YJEFN3: variants seen among roughly 807,000 people sequenced by gnomAD.
The protein encoded by YJEFN3 is yjeF N-terminal domain-containing protein 3.
In YJEFN3, 29 loss-of-function variants were observed where a neutral mutation model predicts 31.5. The observed-to-expected ratio is 0.92, with a 90% CI of 0.69 to 1.26. The LOEUF (loss-of-function observed/expected upper bound fraction) is 1.26. Among genes scored for constraint, YJEFN3 ranks in the 50% most tolerant of loss-of-function variants. YJEFN3 has a pLI of 0.00. For synonymous variants in YJEFN3, 227 were observed against 196.1 expected (o/e 1.16, Z -1.32); for missense variants, 442 against 425.4 (o/e 1.04, Z -0.34).
intron 3 of YJEFN3, 106 bp downstream of exon 3, chr19:19,532,846 T>G (rs529122126): frequency 1.8e-6 from 2 of 1,134,274 alleles, no homozygotes; most frequent in Admixed American, 5.1e-5. Flanking sequence ...AACTCCCTTT[T>G]TGCTTGGGCC....
intron 3 of YJEFN3, chr19:19,533,982 G>A: frequency 1.0e-6 from 1 of 985,614 alleles, no homozygotes; most frequent in Non-Finnish European, 1.2e-6. Context: ...ATACTTGAAA[G>A]GGGAGTAATC....
At chr19:19,531,638 A>T (rs1201127441) in intron 2 of YJEFN3, among the ~76,000 whole-genome samples, 3 of 149,876 alleles carry the variant, frequency 2.0e-5, no homozygotes, top group African/African-American at 7.4e-5. Context: ...AGAGGTGGAG[A>T]CGGACCCCAG....
intron 2 of YJEFN3, 23 bp from the exon 3 acceptor site, chr19:19,532,609 G>A (rs1322963974): frequency 6.7e-7 from 1 of 1,487,898 alleles, no homozygotes; most frequent in Non-Finnish European, 9.0e-7. Flanking sequence ...GTCTCTGAGT[G>A]TCCCATCCCA....
intron 2 of YJEFN3, among the ~76,000 whole-genome samples, chr19:19,530,034 G>T (rs755583469): frequency 6.6e-6 from 1 of 152,190 alleles, no homozygotes; most frequent in Non-Finnish European, 1.5e-5. Flanking sequence ...GTGATCCCCC[G>T]TGGTGGTCTG....
Position 19,534,816 on chromosome 19 carries a change from G to A in YJEFN3, c.319-218G>A, listed in dbSNP as rs1568365400. 5 of 406,826 alleles carry A rather than the reference G, an allele frequency of 1.2e-5. No homozygotes were observed. The East Asian group carries it at 1.4e-4, about 12-fold the overall frequency. The allele number at this position is 406,826 out of a possible 1,614,324, so 25.2% of individuals were successfully genotyped here. A position where few individuals can be genotyped will look rare whatever the true frequency, so the allele number is the denominator to read the frequency against. On this transcript the variant is annotated intron_variant, in intron 3 of 6. Coordinates refer to ENST00000514277, the MANE Select transcript of YJEFN3 (RefSeq NM_198537.4). This position sits in a 1 kb window ranked among gnomAD's most constrained non-coding sequence, Gnocchi z 4.6. Reference sequence around the variant, plus strand: ...GCTGGATGCACGTTTTTCCTGCACCGACCTGGCAGAGCCTGAGACCGGGCC... The same window carrying A: ...GCTGGATGCACGTTTTTCCTGCACCAACCTGGCAGAGCCTGAGACCGGGCC...
intron 2 of YJEFN3, among the ~76,000 whole-genome samples, chr19:19,529,870 G>A (rs2061137535): frequency 6.6e-6 from 1 of 152,202 alleles, no homozygotes; most frequent in South Asian, 2.1e-4. Flanking sequence ...GGCCTCTTAG[G>A]CATGGTGAGG....
At chr19:19,530,388 C>G (rs1345731947) in intron 2 of YJEFN3, among the ~76,000 whole-genome samples, 1 of 151,238 alleles carries the variant, frequency 6.6e-6, no homozygotes, top group East Asian at 2.0e-4. Flanking sequence ...CACCCCCACC[C>G]CACAGCTGCT....
At position 19,537,440 on chromosome 19, in the gene YJEFN3, C is replaced by T. The variant is rs1394394231; in HGVS notation, c.816C>T (p.Gly272=). The T allele has an allele frequency of 1.3e-6, 2 of 1,588,344 alleles. No homozygotes were observed. The highest frequency in any genetic ancestry group is 3.4e-5 in the Admixed American group (2 of 58,592). ...RFSGRHHFVA[G]RFVPDDVRRK... is the part of the protein sequence containing the mutation. Reference sequence around the variant, plus strand: ...CCGGGCGCCACCACTTCGTGGCCGGCAGGTTCGTGCCCGATGACGTGCGCC... The same window carrying T: ...CCGGGCGCCACCACTTCGTGGCCGGTAGGTTCGTGCCCGATGACGTGCGCC... Residue 272 remains glycine (G), a synonymous_variant, in exon 7 of 7, where the codon GGC becomes GGT. Transcript: ENST00000514277.
Position 19,537,362 on chromosome 19 carries a change from G to A in YJEFN3, c.738G>A (p.Arg246=). The A allele has an allele frequency of 6.3e-7, 1 of 1,596,100 alleles. No individual in the cohort carries two copies. The highest frequency in any genetic ancestry group is 8.5e-7 in the Non-Finnish European group (1 of 1,177,382). Reference sequence around the variant, plus strand: ...GCAGCGATTCGGAGGACGGGCTGCGGCCTGACGTGCTGGTGTCTCTCGCGG... The same window carrying A: ...GCAGCGATTCGGAGGACGGGCTGCGACCTGACGTGCTGGTGTCTCTCGCGG... ...ETGSDSEDGL[R]PDVLVSLAAP... Residue 246 remains arginine, a synonymous_variant, in exon 7 of 7, where the codon CGG becomes CGA. Coordinates refer to ENST00000514277, the MANE Select transcript of YJEFN3 (RefSeq NM_198537.4).
In YJEFN3 at chr19:19,534,987, A is replaced by G; in HGVS notation, c.319-47A>G. 1 of 1,470,864 alleles carries G rather than the reference A, an allele frequency of 6.8e-7. No homozygotes were observed. 91.1% of individuals were successfully genotyped at this position (1,470,864 alleles called of 1,614,324 possible). ...GCCTCAGTTTCCTCTCCAGGCAAGG[A>G]GGAATCTGGACTGTGCCTGTGCCTT... On this transcript the variant is annotated intron_variant, in intron 3 of 6. Coordinates refer to ENST00000514277, the MANE Select transcript of YJEFN3 (RefSeq NM_198537.4). The surrounding 1 kb of genome is among the most constrained non-coding windows in gnomAD (Gnocchi z 4.6).
intron 6 of YJEFN3, chr19:19,536,155 G>A (rs1287557492): frequency 6.4e-5 from 21 of 327,264 alleles, no homozygotes; most frequent in Non-Finnish European, 1.1e-4. Flanking sequence ...CAAGGGAGGC[G>A]GCGTGCTGTC....
rs1048651351 is a variant in YJEFN3, at chr19:19,534,775, C to T, written c.319-259C>T. ...GGCGGAGAATAAACAAACCGCACTC[C>T]GGGCGACGGGCAGTGGCTGGATGCA... On this transcript the variant is annotated intron_variant, in intron 3 of 6. Coordinates refer to ENST00000514277, the MANE Select transcript of YJEFN3 (RefSeq NM_198537.4). This position sits in a 1 kb window ranked among gnomAD's most constrained non-coding sequence, Gnocchi z 4.6. The T allele has an allele frequency of 8.2e-6, 3 of 364,132 alleles. No homozygotes were observed. Among genetic ancestry groups the T allele is most frequent in the Non-Finnish European group, 1.5e-5 (3 of 202,926 alleles). 22.6% of individuals were successfully genotyped at this position (364,132 alleles called of 1,614,324 possible).
Position 19,535,330 on chromosome 19 carries a change from C to A in YJEFN3, c.430-7C>A, listed in dbSNP as rs1323573135. 1 of 1,612,496 alleles carries A rather than the reference C, an allele frequency of 6.2e-7. No individual in the cohort carries two copies. The highest frequency in any genetic ancestry group is 1.7e-5 in the Admixed American group (1 of 59,930). On this transcript the variant is annotated splice_region_variant and splice_polypyrimidine_tract_variant and intron_variant, in intron 4 of 6. Transcript: ENST00000514277. ...GGGAGTCTGACCCCCTCTTCTCCCA[C>A]CCCCAGGAGTATGAACCCACCATCT...
In YJEFN3 at chr19:19,532,559, C is replaced by T. The variant is rs573536125; in HGVS notation, c.210-73C>T. Reference sequence around the variant, plus strand: ...ATTGGGACCGGGTTCAGAAGCTTGGCGGAACATTTCTGGCTCCATCTGAGG... The same window carrying T: ...ATTGGGACCGGGTTCAGAAGCTTGGTGGAACATTTCTGGCTCCATCTGAGG... On this transcript the variant is annotated intron_variant, in intron 2 of 6. Transcript: ENST00000514277. 5.6e-6 allele frequency: 6 copies of T among 1,069,800 alleles called. No individual in the cohort carries two copies. The East Asian group carries it at 9.0e-5, about 16-fold the overall frequency. 66.3% of individuals were successfully genotyped at this position (1,069,800 alleles called of 1,614,324 possible). A position where few individuals can be genotyped will look rare whatever the true frequency, so the allele number is the denominator to read the frequency against.
intron 2 of YJEFN3, among the ~76,000 whole-genome samples, chr19:19,532,008 G>A (rs1221030085): frequency 6.6e-6 from 1 of 152,070 alleles, no homozygotes; most frequent in Non-Finnish European, 1.5e-5. Context: ...CTGAAGTGCT[G>A]GGATTACGGA....
rs1418216175 is a variant in YJEFN3 at position 19,533,488 on chromosome 19, C to T, written c.318+748C>T. ...GCCCCCTCCTCTTACCCTCCTCCTC[C>T]TTTCTCTCTCCCTCCTCCTCCCCTT... On this transcript the variant is annotated intron_variant, in intron 3 of 6. Transcript: ENST00000514277. The T allele has an allele frequency of 4.5e-6, 4 of 893,804 alleles. No homozygotes were observed. The East Asian group carries it at 5.0e-4, about 111-fold the overall frequency. The allele number at this position is 893,804 out of a possible 1,614,324, so 55.4% of individuals were successfully genotyped here.
At chr19:19,532,827 C>A (rs8100927) in intron 3 of YJEFN3, 87 bp downstream of exon 3, 47 of 1,212,566 alleles carry the variant, frequency 3.9e-5, no homozygotes, top group Non-Finnish European at 5.2e-5. Context: ...GGGTGGTTCA[C>A]CCCTCAAGAA....
chr19:19,536,983 G>A (rs986104634), intron 6 of YJEFN3, among the ~76,000 whole-genome samples: 1 of 152,162 alleles, frequency 6.6e-6, no homozygotes, highest in Non-Finnish European at 1.5e-5. Context: ...ATGGAGGAGG[G>A]CGATTGAATA....
rs1479851993 is a variant in YJEFN3, at chr19:19,532,628, C to T, written c.210-4C>T. 2 of 1,542,308 alleles carry T rather than the reference C, an allele frequency of 1.3e-6. No individual in the cohort carries two copies. Among genetic ancestry groups the T allele is most frequent in the African/African-American group, 2.7e-5 (2 of 73,310 alleles). ...CTGAGTGTCCCATCCCACTCTGTCC[C>T]CAGCACCGCGGAGGCAGCCGCCCTG... is the stretch of plus-strand genomic sequence containing the variant. On this transcript the variant is annotated splice_polypyrimidine_tract_variant and splice_region_variant and intron_variant, in intron 2 of 6. Transcript: ENST00000514277.
Sources: gnomAD v4.1 joint callset for allele counts (sites outside exome capture counted in the v4.1 genomes callset) on GRCh38, gnomAD v4.1.1 for gene constraint, Gnocchi (gnomAD v3.1) non-coding constraint, MANE v1.5 for transcripts, NCBI Gene and HGNC (gene_info 2026-07-23, HGNC 2026-07-21) for gene names.